Variants in DOCK3 observed in about 807,000 individuals in gnomAD.
DOCK3 encodes the protein dedicator of cytokinesis protein 3.
In DOCK3, 60 loss-of-function variants were observed where a neutral mutation model predicts 265.6. The observed-to-expected ratio is 0.23, with a 90% CI of 0.18 to 0.28. The LOEUF (loss-of-function observed/expected upper bound fraction) is 0.28. DOCK3 is among the 10% of genes least tolerant of loss of function. DOCK3 has a pLI of 1.00. For missense variants in DOCK3, 1,981 were observed against 2,594.3 expected, an observed-to-expected ratio of 0.76 and a Z score of 5.14; for synonymous variants, 881 against 938.0, an observed-to-expected ratio of 0.94 and a Z score of 1.11.
intron 1 of DOCK3, among the ~76,000 whole-genome samples, chr3:50,767,711 A>G (rs1245404060): frequency 2.6e-5 from 4 of 152,130 alleles, no homozygotes; most frequent in Non-Finnish European, 4.4e-5. Context: ...ACCTTGGGCA[A>G]TATGGCCATT....
At chr3:50,830,181 A>G (rs1264194817) in intron 2 of DOCK3, among the ~76,000 whole-genome samples, 2 of 152,214 alleles carry the variant, frequency 1.3e-5, no homozygotes, top group Non-Finnish European at 2.9e-5. Context: ...TGAACTCCAT[A>G]TATTTTTATT....
In DOCK3 at chr3:50,740,160, A is replaced by G. The variant is rs116467316; in HGVS notation, c.38-38515A>G. On this transcript the variant is annotated intron_variant, in intron 1 of 52. Transcript: ENST00000266037. ...CATTTCTCATTATTCATTTAGTCTC[A>G]TTATTTTGTGATTTATCTCTGTTAC... 7.6e-3 allele frequency among the ~76,000 whole-genome samples: 1,164 copies of G among 152,160 alleles called. 18 individuals carry two copies. Among genetic ancestry groups the G allele is most frequent in the African/African-American group, 0.027 (1,120 of 41,530 alleles).
At chr3:50,990,726 G>A (rs1181428604) in intron 5 of DOCK3, among the ~76,000 whole-genome samples, 5 of 152,144 alleles carry the variant, frequency 3.3e-5, no homozygotes, top group African/African-American at 7.2e-5. Context: ...GGATTCCGAC[G>A]TTCAAGGGCA....
At chr3:51,011,662 G>A (rs1263609565) in intron 5 of DOCK3, among the ~76,000 whole-genome samples, 1 of 152,116 alleles carries the variant, frequency 6.6e-6, no homozygotes, top group African/African-American at 2.4e-5. Context: ...TTGCATTGCG[G>A]GCGAGGAGCT....
At chr3:50,734,013 C>A (rs2038401917) in intron 1 of DOCK3, among the ~76,000 whole-genome samples, 1 of 152,084 alleles carries the variant, frequency 6.6e-6, no homozygotes, top group African/African-American at 2.4e-5. Flanking sequence ...TAACTAATAA[C>A]AATGTATAGT....
rs373681359 is a variant in DOCK3 at position 51,321,337 on chromosome 3, A to G, written c.3402+6209A>G. 5.9e-5 allele frequency among the ~76,000 whole-genome samples: 9 copies of G among 152,340 alleles called. No homozygotes were observed. In the East Asian group the frequency reaches 1.5e-3, roughly 26 times the overall value. On this transcript the variant is annotated intron_variant, in intron 32 of 52. Coordinates refer to ENST00000266037, the MANE Select transcript of DOCK3 (RefSeq NM_004947.5). ...CTCATCTGAAGGTCACAAATATCAA[A>G]GACCAACGGTAGATAAATCCACGAA...
At chr3:50,708,406 T>G (rs1336740730) in intron 1 of DOCK3, among the ~76,000 whole-genome samples, 1 of 152,172 alleles carries the variant, frequency 6.6e-6, no homozygotes, top group African/African-American at 2.4e-5. Context: ...GCAGGGGACC[T>G]GGTTGCACTG....
At chr3:50,783,972 AT>A (rs2042056690) in intron 2 of DOCK3, among the ~76,000 whole-genome samples, 1 of 149,566 alleles carries the variant, frequency 6.7e-6, no homozygotes, top group South Asian at 2.1e-4. Flanking sequence ...AGTTTAAGTG[AT>A]TTTCCTGTCT....
In DOCK3 at chr3:50,963,455, A is replaced by G. The variant is rs145463956; in HGVS notation, c.315+29378A>G. On this transcript the variant is annotated intron_variant, in intron 5 of 52. Coordinates refer to ENST00000266037, the MANE Select transcript of DOCK3 (RefSeq NM_004947.5). ...GAAACAAAATATTCAAATTGAATCC[A>G]GATATGTAAACAGAATAACACATCA... Among the ~76,000 whole-genome samples the G allele has an allele frequency of 1.7e-3, 260 of 152,314 alleles. 1 individual carries two copies. Among genetic ancestry groups the G allele is most frequent in the Non-Finnish European group, 2.8e-3 (190 of 68,024 alleles).
chr3:51,366,807 G>A (rs1046060128), intron 49 of DOCK3, among the ~76,000 whole-genome samples: 4 of 152,186 alleles, frequency 2.6e-5, no homozygotes, highest in African/African-American at 4.8e-5. Flanking sequence ...TTTTGAGTGA[G>A]TTTCTTAATC....
At chr3:51,081,953 C>A (rs1368075714) in intron 7 of DOCK3, among the ~76,000 whole-genome samples, 1 of 150,670 alleles carries the variant, frequency 6.6e-6, no homozygotes, top group Non-Finnish European at 1.5e-5. Context: ...ATCAAGATGG[C>A]TGAGTAGAGG....
chr3:51,057,223 C>G (rs2081236030), intron 5 of DOCK3, among the ~76,000 whole-genome samples: 1 of 152,146 alleles, frequency 6.6e-6, no homozygotes, highest in African/African-American at 2.4e-5. Flanking sequence ...GGGATTGTTT[C>G]ACAACAGTGA....
At chr3:50,991,521 T>C (rs928052998) in intron 5 of DOCK3, among the ~76,000 whole-genome samples, 1 of 152,206 alleles carries the variant, frequency 6.6e-6, no homozygotes, top group African/African-American at 2.4e-5. Context: ...AAGGGTTCAA[T>C]TCGACAAGAA....
At position 51,225,690 on chromosome 3, in the gene DOCK3, G is replaced by A. The variant is rs1406684912; in HGVS notation, c.1294G>A (p.Asp432Asn). 1 of 1,613,784 alleles carries A rather than the reference G, an allele frequency of 6.2e-7. No individual in the cohort carries two copies. Among genetic ancestry groups the A allele is most frequent in the Non-Finnish European group, 8.5e-7 (1 of 1,179,754 alleles). ...NDLYLTLEKG[D>N]FERGGKSVQK... Reference sequence around the variant, plus strand: ...CCTGTACCTAACCCTGGAGAAGGGGGATTTCGAGAGAGGAGGAAAGAGTGT... The same window carrying A: ...CCTGTACCTAACCCTGGAGAAGGGGAATTTCGAGAGAGGAGGAAAGAGTGT... Residue 432 changes from aspartate to asparagine, a missense_variant, in exon 15 of 53, where the codon GAT becomes AAT. Transcript: ENST00000266037.
chr3:51,315,619 T>A (rs2083320753), intron 32 of DOCK3, among the ~76,000 whole-genome samples: 1 of 152,068 alleles, frequency 6.6e-6, no homozygotes, highest in Non-Finnish European at 1.5e-5. Flanking sequence ...TCCTGTGTAG[T>A]TCTTTTGCCA....
intron 14 of DOCK3, among the ~76,000 whole-genome samples, chr3:51,221,514 T>A (rs2090097456): frequency 6.6e-6 from 1 of 152,192 alleles, no homozygotes; most frequent in Admixed American, 6.5e-5. Flanking sequence ...ATATTTACTA[T>A]TTAGTCTTTT....
chr3:50,735,743 C>T (rs1199852004), intron 1 of DOCK3, among the ~76,000 whole-genome samples: 1 of 152,094 alleles, frequency 6.6e-6, no homozygotes, highest in Non-Finnish European at 1.5e-5. Context: ...CCTGTTCTTG[C>T]ACTGCTATAA....
intron 12 of DOCK3, among the ~76,000 whole-genome samples, chr3:51,177,248 A>G (rs974462436): frequency 7.2e-5 from 11 of 152,240 alleles, no homozygotes; most frequent in Admixed American, 2.6e-4. Context: ...GATTCAAAAC[A>G]AAGAAACAAT....
At chr3:51,284,188 A>G in intron 27 of DOCK3, among the ~76,000 whole-genome samples, 1 of 152,076 alleles carries the variant, frequency 6.6e-6, no homozygotes, top group Non-Finnish European at 1.5e-5. Flanking sequence ...TGCATCCTAA[A>G]CCTCCTAGCA....
Sources: allele counts gnomAD v4.1 joint callset (sites outside exome capture counted in the v4.1 genomes callset), GRCh38; gene constraint gnomAD v4.1.1; transcripts MANE v1.5; gene names NCBI Gene and HGNC (gene_info 2026-07-23, HGNC 2026-07-21).